Variants in CEP72 observed in about 807,000 individuals in gnomAD.
CEP72 encodes centrosomal protein of 72 kDa.
Under a neutral mutation model 65.7 loss-of-function variants are expected in CEP72, and 78 were observed. The observed-to-expected ratio is 1.19, with a 90% CI of 0.99 to 1.43. The LOEUF is 1.43. Ranked by LOEUF, CEP72 falls within the 40% of genes most tolerant of loss-of-function variation. The pLI, the probability that CEP72 is intolerant of heterozygous loss-of-function variation, is 0.00. For synonymous variants in CEP72, 358 were observed against 351.7 expected, an observed-to-expected ratio of 1.02 and a Z score of -0.20; for missense variants, 914 against 832.9, an observed-to-expected ratio of 1.10 and a Z score of -1.20.
the CEP72 span, among the ~76,000 whole-genome samples, chr5:674,266 T>A: frequency 6.6e-6 from 1 of 150,804 alleles, no homozygotes; most frequent in South Asian, 2.1e-4. Context: ...CGCCCGAGCC[T>A]GCTGAGGAGC....
At chr5:666,605 C>T (rs1739926644) in intron 4 of CEP72, among the ~76,000 whole-genome samples, 1 of 151,404 alleles carries the variant, frequency 6.6e-6, no homozygotes, top group African/African-American at 2.5e-5. Context: ...AGGCCCACGC[C>T]TCAGATGCCC....
downstream of CEP72, among the ~76,000 whole-genome samples, chr5:659,168 T>C (rs1355914720): frequency 1.3e-5 from 2 of 152,262 alleles, no homozygotes; most frequent in East Asian, 1.9e-4. Context: ...GTTTAGTCCA[T>C]GCTCTCACCC....
At chr5:612,491 T>TGGGGGGGGGGGGGG in intron 1 of CEP72, 48 bp downstream of exon 1, 1 of 567,242 alleles carries the variant, frequency 1.8e-6, no homozygotes, top group Non-Finnish European at 2.7e-6. Context: ...GGCGGGGGGG[T>TGGGGGGGGGGGGGG]GGGTGCCGAG....
intron 9 of CEP72, chr5:643,617 A>C (rs1738209569): frequency 4.1e-6 from 4 of 985,188 alleles, no homozygotes; most frequent in Non-Finnish European, 3.6e-6. Context: ...GGGCCTGCTC[A>C]GCACCCCCGG....
At chr5:633,550 C>G (rs1023870684) in intron 4 of CEP72, among the ~76,000 whole-genome samples, 18 of 152,224 alleles carry the variant, frequency 1.2e-4, no homozygotes, top group Non-Finnish European at 4.4e-5. Context: ...TGCCGGGATG[C>G]TGTCATGTTA....
At chr5:646,401 A>G (rs1467385611) in intron 10 of CEP72, among the ~76,000 whole-genome samples, 1 of 152,000 alleles carries the variant, frequency 6.6e-6, no homozygotes, top group Non-Finnish European at 1.5e-5. Flanking sequence ...TGGCTTCAAT[A>G]CTTTCTGCTG....
At chr5:618,341 C>T (rs1262804128) in intron 1 of CEP72, among the ~76,000 whole-genome samples, 1 of 152,144 alleles carries the variant, frequency 6.6e-6, no homozygotes, top group African/African-American at 2.4e-5. Flanking sequence ...TACGAGGATA[C>T]ATATCTCTCT....
intron 1 of CEP72, among the ~76,000 whole-genome samples, chr5:613,047 C>T (rs1735773700): frequency 6.6e-6 from 1 of 152,202 alleles, no homozygotes; most frequent in Admixed American, 6.5e-5. Context: ...TTTTAAATGA[C>T]AAATTCTGTA....
In CEP72 at chr5:620,254, G is replaced by A. The variant is rs911068597; in HGVS notation, c.396G>A (p.Gln132=). The A allele has an allele frequency of 1.2e-6, 2 of 1,613,106 alleles. No homozygotes were observed. Among genetic ancestry groups the A allele is most frequent in the Non-Finnish European group, 8.5e-7 (1 of 1,179,184 alleles). Residue 132 remains glutamine (Q), a synonymous_variant, in exon 3 of 12, where the codon CAG becomes CAA. Transcript: ENST00000264935. ...TTGTGCACCTGCTCCCCAAGCTCCA[G>A]CAGCTGGGTAGGCATCAGGCAGGGC... ...LFVVHLLPKL[Q]QLDDRPVRAS...
chr5:623,823 A>T lies in CEP72; in HGVS notation c.404-648A>T, dbSNP rs1050468944. On this transcript the variant is annotated intron_variant, in intron 3 of 11. Transcript: ENST00000264935. The surrounding 1 kb of genome is among the most constrained non-coding windows in gnomAD (Gnocchi z 5.3). ...GCTTTGAACATTATATTATGCTATT[A>T]CTCACTCATTTCTTACAGTGATTCT... Among the ~76,000 whole-genome samples, 1 of 151,854 alleles carries T rather than the reference A, an allele frequency of 6.6e-6. No homozygotes were observed. The highest frequency in any genetic ancestry group is 2.4e-5 in the African/African-American group (1 of 41,300).
At chr5:649,427 C>T (rs1738757044) in intron 11 of CEP72, among the ~76,000 whole-genome samples, 1 of 118,350 alleles carries the variant, frequency 8.4e-6, no homozygotes, top group African/African-American at 3.6e-5. Context: ...GAGGCGTGGA[C>T]TGTGAGGGGT....
At chr5:615,152 T>TTG (rs1735912119) in intron 1 of CEP72, among the ~76,000 whole-genome samples, 1 of 149,676 alleles carries the variant, frequency 6.7e-6, no homozygotes, top group South Asian at 2.1e-4. Flanking sequence ...TTTTTTTTTT[T>TTG]GAGACAGAGT....
At position 647,963 on chromosome 5, in the gene CEP72, A is replaced by G. The variant is rs1333233277; in HGVS notation, c.1778+47A>G. The G allele has an allele frequency of 3.0e-6, 4 of 1,354,904 alleles. No individual in the cohort carries two copies. The East Asian group carries it at 9.3e-5, about 31-fold the overall frequency. 83.9% of individuals were successfully genotyped at this position (1,354,904 alleles called of 1,614,324 possible). On this transcript the variant is annotated intron_variant, in intron 11 of 11. Coordinates refer to ENST00000264935, the MANE Select transcript of CEP72 (RefSeq NM_018140.4). ...GTGGGCCCCCGAGGGGAGGAGGCCC[A>G]GGTACAGGGAGGGTTGGGCCGGACT...
intron 9 of CEP72, chr5:642,825 A>G: frequency 1.0e-6 from 1 of 985,458 alleles, no homozygotes; most frequent in Non-Finnish European, 1.2e-6. Flanking sequence ...AGGGAGGCCC[A>G]CATCTGTCAC....
intron 2 of CEP72, 99 bp downstream of exon 2, chr5:619,216 C>A: frequency 8.9e-7 from 1 of 1,128,124 alleles, no homozygotes; most frequent in Non-Finnish European, 1.3e-6. Context: ...CCTCTGCTTA[C>A]ATCTGTATAC....
chr5:637,861 C>T (rs1297403630), intron 7 of CEP72, 43 bp downstream of exon 7: 16 of 1,465,564 alleles, frequency 1.1e-5, no homozygotes, highest in Non-Finnish European at 1.1e-5. Context: ...GGCACTGCCT[C>T]CCTAATGTGG....
rs1049877024 is a variant in CEP72 at position 624,990 on chromosome 5, G to A, written c.512+411G>A. The stretch of plus-strand genomic sequence containing the variant: ...TCAGCAGGACCCGTCTTCCTGGATC[G>A]AGGAGGACTTCTTCCTCCCCCACCC... On this transcript the variant is annotated intron_variant, in intron 4 of 11. Transcript: ENST00000264935. The surrounding 1 kb of genome is among the most constrained non-coding windows in gnomAD (Gnocchi z 4.7). Among the ~76,000 whole-genome samples, 5 of 152,066 alleles carry A rather than the reference G, an allele frequency of 3.3e-5. No individual in the cohort carries two copies. The highest frequency in any genetic ancestry group is 7.2e-5 in the African/African-American group (3 of 41,398).
At chr5:652,182 C>T (rs1739154500) in intron 11 of CEP72, among the ~76,000 whole-genome samples, 1 of 152,206 alleles carries the variant, frequency 6.6e-6, no homozygotes, top group Non-Finnish European at 1.5e-5. Flanking sequence ...GGGTCATTCT[C>T]CTTGAGCACT....
chr5:651,046 TGACTGTGAGGTGTG>T (rs2126827000), intron 11 of CEP72, among the ~76,000 whole-genome samples: 1 of 93,394 alleles, frequency 1.1e-5, no homozygotes, highest in Non-Finnish European at 2.0e-5. Context: ...CTGTGAGGTG[TGACTGTGAGGTGTG>T]GACTGTGAGG....
Sources: allele counts gnomAD v4.1 joint callset (sites outside exome capture counted in the v4.1 genomes callset), GRCh38; gene constraint gnomAD v4.1.1; non-coding constraint Gnocchi (gnomAD v3.1); transcripts MANE v1.5; gene names NCBI Gene and HGNC (gene_info 2026-07-23, HGNC 2026-07-21).